RBFOX1: variants seen among roughly 807,000 people sequenced by gnomAD.
RBFOX1 encodes the protein RNA binding fox-1 homolog 1, also known as RNA binding protein fox-1 homolog 1.
In RBFOX1, 8 loss-of-function variants were observed where a neutral mutation model predicts 57.7. That is an observed-to-expected ratio of 0.14 (90% CI 0.08 to 0.25). The LOEUF is 0.25. Ranked by LOEUF, RBFOX1 falls within the 10% of genes least tolerant of loss-of-function variation. RBFOX1 has a pLI of 1.00. For synonymous variants in RBFOX1, 326 were observed against 222.4 expected (o/e 1.47, Z -4.15); for missense variants, 611 against 548.5 (o/e 1.11, Z -1.14).
chr16:5,241,070 T>G (rs1257640007), intron 1 of RBFOX1, among the ~76,000 whole-genome samples: 1 of 152,264 alleles, frequency 6.6e-6, no homozygotes, highest in Non-Finnish European at 1.5e-5. Flanking sequence ...TCGTGGTTAA[T>G]GAGCCCCACA....
intron 1 of RBFOX1, among the ~76,000 whole-genome samples, chr16:6,100,775 T>C (rs539173597): frequency 7.2e-5 from 11 of 152,196 alleles, no homozygotes; most frequent in Non-Finnish European, 1.5e-4. Context: ...TAACAGTGTT[T>C]GTCAAAATAG....
chr16:6,497,267 C>G (rs1054247442), intron 2 of RBFOX1, among the ~76,000 whole-genome samples: 1 of 152,162 alleles, frequency 6.6e-6, no homozygotes, highest in Non-Finnish European at 1.5e-5. Context: ...GCCTTCCAGA[C>G]CAGCTCTTCT....
At chr16:6,515,489 T>C (rs891413547) in intron 2 of RBFOX1, among the ~76,000 whole-genome samples, 1 of 152,224 alleles carries the variant, frequency 6.6e-6, no homozygotes, top group African/African-American at 2.4e-5. Context: ...CTACCCACTT[T>C]GGGTCATACC....
chr16:5,797,602 A>G (rs1441758912), intron 3 of RBFOX1, among the ~76,000 whole-genome samples: 1 of 152,240 alleles, frequency 6.6e-6, no homozygotes, highest in East Asian at 1.9e-4. Flanking sequence ...ACAATCCTAC[A>G]TCCAGTTAAG....
intron 2 of RBFOX1, among the ~76,000 whole-genome samples, chr16:6,636,675 C>T (rs1478783314): frequency 2.0e-5 from 3 of 149,142 alleles, no homozygotes; most frequent in Non-Finnish European, 4.4e-5. Flanking sequence ...AGCTACATCA[C>T]ATAAACATTT....
chr16:5,720,102 A>C (rs1056904084), intron 3 of RBFOX1, among the ~76,000 whole-genome samples: 3 of 151,996 alleles, frequency 2.0e-5, no homozygotes, highest in African/African-American at 7.3e-5. Context: ...TTTGGTTTTT[A>C]TTCTGGCCAT....
At chr16:7,040,705 T>C (rs80070990) in intron 3 of RBFOX1, among the ~76,000 whole-genome samples, 3,304 of 152,232 alleles carry the variant, frequency 0.022, 111 homozygotes, top group African/African-American at 0.073. Context: ...TAGTTTTTTA[T>C]ACACAAATGG....
intron 1 of RBFOX1, among the ~76,000 whole-genome samples, chr16:5,432,727 T>A (rs1349753918): frequency 1.3e-5 from 2 of 152,048 alleles, no homozygotes; most frequent in African/African-American, 4.8e-5. Context: ...TCCTCAGCTG[T>A]CAGTTAGTGT....
At chr16:6,262,406 G>A (rs1483210735) in intron 1 of RBFOX1, among the ~76,000 whole-genome samples, 1 of 152,058 alleles carries the variant, frequency 6.6e-6, no homozygotes, top group Non-Finnish European at 1.5e-5. Context: ...GGGGTGGTGA[G>A]TGTGCCCTGC....
At chr16:6,846,502 T>G (rs987517669) in intron 3 of RBFOX1, among the ~76,000 whole-genome samples, 5 of 151,974 alleles carry the variant, frequency 3.3e-5, no homozygotes, top group Non-Finnish European at 7.4e-5. Context: ...CCACAGCAAA[T>G]GAAACAAAAT....
At chr16:5,262,798 T>A (rs2062767528) in intron 1 of RBFOX1, among the ~76,000 whole-genome samples, 1 of 152,150 alleles carries the variant, frequency 6.6e-6, no homozygotes, top group Non-Finnish European at 1.5e-5. Flanking sequence ...GTGTGTAGCA[T>A]GGAGAATCCT....
At chr16:6,879,855 G>A (rs763593092) in intron 3 of RBFOX1, among the ~76,000 whole-genome samples, 2 of 152,112 alleles carry the variant, frequency 1.3e-5, no homozygotes, top group African/African-American at 4.8e-5. Context: ...GAGACATTTT[G>A]AATTATCTCA....
intron 2 of RBFOX1, among the ~76,000 whole-genome samples, chr16:6,627,574 A>G (rs2098327436): frequency 6.6e-6 from 1 of 152,188 alleles, no homozygotes; most frequent in East Asian, 1.9e-4. Context: ...GGATGAGAAG[A>G]TAAGAACTAT....
intron 4 of RBFOX1, among the ~76,000 whole-genome samples, chr16:7,363,403 G>A (rs1284283617): frequency 6.6e-6 from 1 of 152,102 alleles, no homozygotes; most frequent in Non-Finnish European, 1.5e-5. Context: ...CTTGCCATGA[G>A]CAGCCAATGA....
intron 4 of RBFOX1, among the ~76,000 whole-genome samples, chr16:7,058,087 G>T (rs1010014450): frequency 1.3e-5 from 2 of 151,328 alleles, no homozygotes; most frequent in Non-Finnish European, 2.9e-5. Context: ...CTGAACAAAG[G>T]ATCCTGGAAA....
Position 6,176,633 on chromosome 16 carries a change from A to G in RBFOX1, c.-126-140362A>G, listed in dbSNP as rs1160423719. Among the ~76,000 whole-genome samples, 4 of 152,264 alleles carry G rather than the reference A, an allele frequency of 2.6e-5. No individual in the cohort carries two copies. In the East Asian group the frequency reaches 7.7e-4, roughly 29 times the overall value. ...TAAGGGTGCAGTAAATGTCAGTTGT[A>G]ATAACAATTATTGTTATGAGTATTA... is the stretch of plus-strand genomic sequence containing the variant. On this transcript the variant is annotated intron_variant, in intron 1 of 15. Transcript: ENST00000550418.
chr16:7,505,162 C>G (rs888094388), intron 4 of RBFOX1, among the ~76,000 whole-genome samples: 1 of 148,634 alleles, frequency 6.7e-6, no homozygotes, highest in African/African-American at 2.5e-5. Context: ...ATTTTGAATG[C>G]TTTTGTACAT....
At chr16:7,619,075 C>T (rs952127250) in intron 10 of RBFOX1, among the ~76,000 whole-genome samples, 2 of 152,100 alleles carry the variant, frequency 1.3e-5, no homozygotes, top group Non-Finnish European at 2.9e-5. Flanking sequence ...ATGCCAACGG[C>T]TGTTATTTTG....
chr16:6,398,289 C>A (rs541711560), intron 2 of RBFOX1, among the ~76,000 whole-genome samples: 2 of 152,092 alleles, frequency 1.3e-5, no homozygotes, highest in Admixed American at 6.5e-5. Context: ...ATAGCCAAAG[C>A]ATATCATTCT....
Sources: allele counts gnomAD v4.1 joint callset (sites outside exome capture counted in the v4.1 genomes callset), GRCh38; gene constraint gnomAD v4.1.1; transcripts MANE v1.5; gene names NCBI Gene and HGNC (gene_info 2026-07-23, HGNC 2026-07-21).